GMDS: variants seen among roughly 807,000 people sequenced by gnomAD.
GMDS encodes GDP-mannose 4,6-dehydratase.
GMDS carries 20 observed loss-of-function variants against 49.9 expected under a neutral mutation model. The observed-to-expected ratio is 0.40, with a 90% CI of 0.28 to 0.58. The LOEUF is 0.58. GMDS is among the 20% of genes least tolerant of loss of function. The pLI is 0.42. For synonymous variants in GMDS, 177 were observed against 178.6 expected (o/e 0.99, Z 0.07); for missense variants, 362 against 481.4 (o/e 0.75, Z 2.32).
intron 7 of GMDS, among the ~76,000 whole-genome samples, chr6:1,767,411 A>C (rs915627646): frequency 3.9e-5 from 6 of 152,222 alleles, no homozygotes; most frequent in African/African-American, 1.2e-4. Flanking sequence ...AAAGATGGCC[A>C]AGCAAAGTCA....
chr6:2,191,973 C>T lies in GMDS; in HGVS notation c.102+53348G>A, dbSNP rs566154196. Among the ~76,000 whole-genome samples the T allele has an allele frequency of 6.6e-6, 1 of 152,346 alleles. No homozygotes were observed. The highest frequency in any genetic ancestry group is 1.9e-4 in the East Asian group (1 of 5,180). On this transcript the variant is annotated intron_variant, in intron 1 of 10. Coordinates refer to ENST00000380815, the MANE Select transcript of GMDS (RefSeq NM_001500.4). This position sits in a 1 kb window ranked among gnomAD's most constrained non-coding sequence, Gnocchi z 4.6. ...GACCACCCATGGACCAACTGGCACA[C>T]ACTTCCTCCACTCTGAGGCCCATAA...
chr6:1,821,365 G>T (rs1770881624), intron 7 of GMDS, among the ~76,000 whole-genome samples: 2 of 152,004 alleles, frequency 1.3e-5, no homozygotes, highest in Non-Finnish European at 2.9e-5. Flanking sequence ...GGGAGCCGCG[G>T]CTGGTGGGTG....
chr6:1,873,289 A>G (rs1410061900), intron 7 of GMDS, among the ~76,000 whole-genome samples: 1 of 152,202 alleles, frequency 6.6e-6, no homozygotes, highest in African/African-American at 2.4e-5. Flanking sequence ...CGGTGTTTGC[A>G]TTTGACCTCC....
At chr6:1,689,050 A>T (rs1183524392) in intron 9 of GMDS, among the ~76,000 whole-genome samples, 1 of 152,190 alleles carries the variant, frequency 6.6e-6, no homozygotes, top group Admixed American at 6.5e-5. Flanking sequence ...CTGAAACGAT[A>T]ACCTTTGGGC....
intron 9 of GMDS, among the ~76,000 whole-genome samples, chr6:1,631,849 C>T (rs1763011787): frequency 6.6e-6 from 1 of 152,158 alleles, no homozygotes; most frequent in Non-Finnish European, 1.5e-5. Flanking sequence ...TCTCTGGGGA[C>T]TTTTATATTG....
At chr6:2,156,850 A>G (rs1777137875) in intron 1 of GMDS, among the ~76,000 whole-genome samples, 1 of 152,236 alleles carries the variant, frequency 6.6e-6, no homozygotes. Flanking sequence ...TGTTCTGTTA[A>G]AATGAGAAGA....
chr6:1,926,046 TGA>T (rs1199510504), intron 7 of GMDS, among the ~76,000 whole-genome samples: 61 of 152,282 alleles, frequency 4.0e-4, no homozygotes, highest in African/African-American at 1.3e-3. Context: ...CTCCAGCCAC[TGA>T]GAGACCCGAC....
intron 7 of GMDS, among the ~76,000 whole-genome samples, chr6:1,746,014 T>C (rs894776075): frequency 3.3e-5 from 5 of 152,202 alleles, no homozygotes; most frequent in African/African-American, 1.2e-4. Context: ...CGCCTCCTTA[T>C]ACAGCTGCAC....
At chr6:1,902,389 T>C (rs1241952038) in intron 7 of GMDS, among the ~76,000 whole-genome samples, 1 of 152,114 alleles carries the variant, frequency 6.6e-6, no homozygotes, top group African/African-American at 2.4e-5. Context: ...AAATGTAAAT[T>C]TGTAGTAAAT....
chr6:2,200,467 T>C (rs1296639774), intron 1 of GMDS, among the ~76,000 whole-genome samples: 4 of 117,076 alleles, frequency 3.4e-5, no homozygotes, highest in Non-Finnish European at 3.6e-5. Flanking sequence ...AGCAGAGAGG[T>C]GAAGGATGAA....
At chr6:1,929,866 G>C (rs887021556) in intron 7 of GMDS, among the ~76,000 whole-genome samples, 2 of 152,190 alleles carry the variant, frequency 1.3e-5, no homozygotes, top group African/African-American at 4.8e-5. Flanking sequence ...AATTGGAAGA[G>C]TATTTGTGAA....
At chr6:1,735,324 G>T (rs1766964502) in intron 8 of GMDS, among the ~76,000 whole-genome samples, 1 of 152,214 alleles carries the variant, frequency 6.6e-6, no homozygotes, top group South Asian at 2.1e-4. Context: ...AAGGACACGG[G>T]TATGTGGAAG....
chr6:1,649,757 G>A (rs1220064170), intron 9 of GMDS, among the ~76,000 whole-genome samples: 1 of 152,178 alleles, frequency 6.6e-6, no homozygotes, highest in Non-Finnish European at 1.5e-5. Context: ...TTTAAAGAAA[G>A]TTTATTGCCT....
intron 4 of GMDS, among the ~76,000 whole-genome samples, chr6:2,109,400 G>A (rs910392527): frequency 5.3e-5 from 8 of 152,190 alleles, no homozygotes; most frequent in African/African-American, 1.7e-4. Context: ...TAGATATCTA[G>A]GGAAAAAGAG....
intron 4 of GMDS, among the ~76,000 whole-genome samples, chr6:2,102,635 T>G (rs1773990320): frequency 6.6e-6 from 1 of 152,140 alleles, no homozygotes; most frequent in African/African-American, 2.4e-5. Context: ...GCTAAAAGTG[T>G]AAAAGAAAAA....
At chr6:1,750,426 T>C (rs1348777171) in intron 7 of GMDS, among the ~76,000 whole-genome samples, 2 of 152,070 alleles carry the variant, frequency 1.3e-5, no homozygotes, top group Admixed American at 6.5e-5. Context: ...GTGCAGCCCA[T>C]GGAGGGTGAG....
At chr6:1,922,640 A>T (rs1425880243) in intron 7 of GMDS, among the ~76,000 whole-genome samples, 1 of 152,176 alleles carries the variant, frequency 6.6e-6, no homozygotes, top group Non-Finnish European at 1.5e-5. Flanking sequence ...CTGCCTATAA[A>T]GACCCCAGAC....
At chr6:1,960,743 C>T in intron 5 of GMDS, 31 bp downstream of exon 5, 1 of 1,436,366 alleles carries the variant, frequency 7.0e-7, no homozygotes, top group East Asian at 2.3e-5. Context: ...TAACGCCACA[C>T]ATGTGCTCCG....
intron 8 of GMDS, among the ~76,000 whole-genome samples, chr6:1,729,923 G>C (rs1278256832): frequency 6.6e-6 from 1 of 152,044 alleles, no homozygotes; most frequent in African/African-American, 2.4e-5. Flanking sequence ...CTTTGAAGGA[G>C]CAACAAAAGC....
Sources: allele counts gnomAD v4.1 joint callset (sites outside exome capture counted in the v4.1 genomes callset), GRCh38; gene constraint gnomAD v4.1.1; non-coding constraint Gnocchi (gnomAD v3.1); transcripts MANE v1.5; gene names NCBI Gene and HGNC (gene_info 2026-07-23, HGNC 2026-07-21).